Variants in B3GALT5 observed in about 807,000 individuals in gnomAD.
B3GALT5 encodes the protein UDP-Gal:betaGlcNAc beta 1,3-galactosyltransferase, polypeptide 5.
For synonymous variants in B3GALT5, 156 were observed against 158.6 expected (o/e 0.98, Z 0.12); for missense variants, 328 against 396.6 (o/e 0.83, Z 1.47).
rs769790561 is a variant in B3GALT5, at chr21:39,661,250, A to G, written c.691A>G (p.Asn231Asp). 1.2e-5 allele frequency: 19 copies of G among 1,614,022 alleles called. No individual in the cohort carries two copies. The highest frequency in any genetic ancestry group is 1.7e-5 in the Admixed American group (1 of 60,000). ...TGGCGACGTGGCGAGTCAGGTGTAC[A>G]ATGTCTCCAAGAGCGTCCCATACAT... The part of the protein sequence containing the change: ...FSGDVASQVY[N>D]VSKSVPYIKL... Residue 231 changes from asparagine to aspartate, a missense_variant, in exon 4 of 4, where the codon AAT (asparagine) becomes GAT (aspartate). By Grantham distance (23) the Asn-to-Asp change is conservative (BLOSUM62 1). Transcript: ENST00000684187. The surrounding 1 kb of genome is among the most constrained non-coding windows in gnomAD (Gnocchi z 4.7).
In B3GALT5 at chr21:39,672,775, T is replaced by C. The variant is rs2079641911; in HGVS notation, c.*11283T>C. ...TTTTGATTTTATATGTGTAGAAAAA[T>C]GTACTGAACAATGTTGACATGCTTA... On this transcript the variant is annotated 3_prime_UTR_variant, in exon 4 of 4. Coordinates refer to ENST00000684187, the MANE Select transcript of B3GALT5 (RefSeq NM_001356336.2). 1 of 152,160 alleles carries C rather than the reference T, an allele frequency of 6.6e-6. No individual in the cohort carries two copies. Among genetic ancestry groups the C allele is most frequent in the Admixed American group, 6.5e-5 (1 of 15,286 alleles). The allele number at this position is 152,160 out of a possible 1,614,324, so 9.4% of individuals were successfully genotyped here. A position where few individuals can be genotyped will look rare whatever the true frequency, so the allele number is the denominator to read the frequency against.
intron 1 of B3GALT5, among the ~76,000 whole-genome samples, chr21:39,614,758 G>A (rs2079098869): frequency 6.6e-6 from 1 of 152,106 alleles, no homozygotes; most frequent in Non-Finnish European, 1.5e-5. Flanking sequence ...TGTCCTTCCT[G>A]GGCATGGAAC....
chr21:39,639,347 T>TTTCCTTCCTTCCTTCCTTCC (rs71184690), intron 1 of B3GALT5, among the ~76,000 whole-genome samples: 7 of 66,784 alleles, frequency 1.0e-4, no homozygotes, highest in Non-Finnish European at 2.1e-4. Flanking sequence ...TCTTTCTTTC[T>TTTCCTTCCTTCCTTCCTTCC]TTCCTTCCTT....
intron 2 of B3GALT5, among the ~76,000 whole-genome samples, chr21:39,656,103 G>C (rs1219264188): frequency 3.3e-5 from 5 of 152,186 alleles, no homozygotes; most frequent in Non-Finnish European, 5.9e-5. Flanking sequence ...CCCCAGACCT[G>C]CCAGAATCTC....
chr21:39,649,026 C>T (rs891234340), intron 2 of B3GALT5, among the ~76,000 whole-genome samples: 1 of 152,206 alleles, frequency 6.6e-6, no homozygotes, highest in African/African-American at 2.4e-5. Flanking sequence ...GGCATTTTGT[C>T]GTGGCTGCCC....
chr21:39,655,026 A>G (rs1177724937), intron 2 of B3GALT5, among the ~76,000 whole-genome samples: 1 of 152,216 alleles, frequency 6.6e-6, no homozygotes, highest in African/African-American at 2.4e-5. Context: ...GTATACAGAA[A>G]GAAATTTATC....
At chr21:39,628,169 G>C (rs537420280) in intron 1 of B3GALT5, among the ~76,000 whole-genome samples, 1 of 152,080 alleles carries the variant, frequency 6.6e-6, no homozygotes, top group Admixed American at 6.5e-5. Context: ...CTTTAAAATC[G>C]TTATTATAAA....
chr21:39,649,732 G>A (rs746097176), intron 2 of B3GALT5, among the ~76,000 whole-genome samples: 32 of 152,156 alleles, frequency 2.1e-4, no homozygotes, highest in Non-Finnish European at 4.0e-4. Flanking sequence ...GGTGGGGGAC[G>A]AGGAACCGAT....
intron 1 of B3GALT5, among the ~76,000 whole-genome samples, chr21:39,635,418 G>T (rs1359792736): frequency 6.6e-6 from 1 of 152,154 alleles, no homozygotes; most frequent in African/African-American, 2.4e-5. Flanking sequence ...TTCCTGTCTG[G>T]ACACCCATGG....
chr21:39,637,144 G>A (rs2079233933), intron 1 of B3GALT5, among the ~76,000 whole-genome samples: 2 of 152,232 alleles, frequency 1.3e-5, no homozygotes, highest in African/African-American at 4.8e-5. Context: ...GGATTACCTG[G>A]AAAGCTGTGA....
At chr21:39,639,067 G>A (rs1263147894) in intron 1 of B3GALT5, among the ~76,000 whole-genome samples, 5 of 152,228 alleles carry the variant, frequency 3.3e-5, no homozygotes, top group South Asian at 2.1e-4. Flanking sequence ...CCACAGCCTC[G>A]CTCCCATATT....
chr21:39,670,223 G>C lies in B3GALT5; in HGVS notation c.*8731G>C, dbSNP rs2079614988. 6.6e-6 allele frequency: 1 copy of C among 151,722 alleles called. No homozygotes were observed. The highest frequency in any genetic ancestry group is 2.4e-5 in the African/African-American group (1 of 40,892). 9.4% of individuals were successfully genotyped at this position (151,722 alleles called of 1,614,324 possible). A position where few individuals can be genotyped will look rare whatever the true frequency, so the allele number is the denominator to read the frequency against. On this transcript the variant is annotated 3_prime_UTR_variant, in exon 4 of 4. Coordinates refer to ENST00000684187, the MANE Select transcript of B3GALT5 (RefSeq NM_001356336.2). ...CGCCACACTCAGACTGTGTGTGTGT[G>C]TGTGTGTGTGTGTATCTATGAGAGA...
At chr21:39,631,064 C>T (rs1233268305) in intron 1 of B3GALT5, among the ~76,000 whole-genome samples, 2 of 152,168 alleles carry the variant, frequency 1.3e-5, no homozygotes, top group African/African-American at 4.8e-5. Context: ...TAGCAAAGTA[C>T]ATAGAAGGCA....
At chr21:39,636,660 T>C (rs1363313239) in intron 1 of B3GALT5, among the ~76,000 whole-genome samples, 1 of 151,940 alleles carries the variant, frequency 6.6e-6, no homozygotes, top group Non-Finnish European at 1.5e-5. Context: ...TTTCCACGAG[T>C]CCTTGGCCTG....
intron 1 of B3GALT5, among the ~76,000 whole-genome samples, chr21:39,628,440 T>C (rs1312313629): frequency 6.6e-6 from 1 of 152,194 alleles, no homozygotes; most frequent in African/African-American, 2.4e-5. Context: ...CTCATTCCAC[T>C]CTCTACATCC....
At chr21:39,628,118 A>G (rs1429837789) in intron 1 of B3GALT5, among the ~76,000 whole-genome samples, 1 of 152,230 alleles carries the variant, frequency 6.6e-6, no homozygotes, top group African/African-American at 2.4e-5. Context: ...GATTATTTAT[A>G]AAACAAAACC....
At chr21:39,651,758 C>T (rs892728081) in intron 2 of B3GALT5, among the ~76,000 whole-genome samples, 9 of 134,472 alleles carry the variant, frequency 6.7e-5, no homozygotes, top group African/African-American at 2.5e-4. Flanking sequence ...GCTAGTCCTG[C>T]CTGCAAAGTT....
At chr21:39,616,109 A>G (rs962111479) in intron 1 of B3GALT5, among the ~76,000 whole-genome samples, 3 of 152,114 alleles carry the variant, frequency 2.0e-5, no homozygotes, top group Non-Finnish European at 2.9e-5. Context: ...TTTAAGCTGT[A>G]GACACAGGCA....
chr21:39,650,033 C>A (rs777180063), intron 2 of B3GALT5, among the ~76,000 whole-genome samples: 5 of 152,078 alleles, frequency 3.3e-5, no homozygotes, highest in Admixed American at 3.3e-4. Flanking sequence ...TCCTGAACCC[C>A]GCAAAGATTT....
Sources: allele counts gnomAD v4.1 joint callset (sites outside exome capture counted in the v4.1 genomes callset), GRCh38; gene constraint gnomAD v4.1.1; non-coding constraint Gnocchi (gnomAD v3.1); transcripts MANE v1.5; gene names NCBI Gene and HGNC (gene_info 2026-07-23, HGNC 2026-07-21).